Variants in CMTM2 observed in about 807,000 individuals in gnomAD.
The protein encoded by CMTM2 is CKLF like MARVEL transmembrane domain containing 2, also known as CKLF-like MARVEL transmembrane domain-containing protein 2.
CMTM2 carries 15 observed loss-of-function variants against 16.8 expected under a neutral mutation model. The ratio of observed to expected loss-of-function variants is 0.89; its 90% CI spans 0.60 to 1.37. CMTM2 has a LOEUF of 1.37. Among genes scored for constraint, CMTM2 ranks in the 40% most tolerant of loss-of-function variants. The pLI, the probability that CMTM2 is intolerant of heterozygous loss-of-function variation, is 0.00. For synonymous variants in CMTM2, 117 were observed against 118.7 expected (o/e 0.99, Z 0.09); for missense variants, 282 against 318.0 (o/e 0.89, Z 0.86).
At chr16:66,587,770 C>A (rs928529579) in intron 3 of CMTM2, 149 bp from the exon 4 acceptor site, 2 of 756,942 alleles carry the variant, frequency 2.6e-6, no homozygotes, top group African/African-American at 1.7e-5. Context: ...AGGGAGTAGG[C>A]ACGCTCCTAG....
At position 66,580,050 on chromosome 16, in the gene CMTM2, C is replaced by T. The variant is rs752752134; in HGVS notation, c.310C>T (p.Leu104=). The T allele has an allele frequency of 1.2e-6, 2 of 1,614,192 alleles. No homozygotes were observed. Among genetic ancestry groups the T allele is most frequent in the African/African-American group, 1.3e-5 (1 of 75,056 alleles). ...GGGCTGCCTAATAGCTGCAATGATA[C>T]TGTTGTCCTCACTCACCGTGCACCC... is the stretch of plus-strand genomic sequence containing the variant. ...SLGCLIAAMI[L]LSSLTVHPIL... The change falls in exon 2 of 4, where the codon CTG becomes TTG. Residue 104 remains leucine, a synonymous_variant. Transcript: ENST00000268595.
intron 2 of CMTM2, among the ~76,000 whole-genome samples, chr16:66,585,087 C>T (rs186737432): frequency 2.7e-4 from 41 of 152,042 alleles, no homozygotes; most frequent in African/African-American, 3.4e-4. Context: ...GCTGGGATTA[C>T]AGGCATGCAC....
At chr16:66,585,972 T>C (rs944761918) in intron 2 of CMTM2, among the ~76,000 whole-genome samples, 1 of 151,932 alleles carries the variant, frequency 6.6e-6, no homozygotes, top group Non-Finnish European at 1.5e-5. Context: ...CCAGGAGAAA[T>C]GCGGGAGGAA....
rs945655460 is a variant in CMTM2 at position 66,587,957 on chromosome 16, T to C, written c.585T>C (p.Asp195=). 6.2e-7 allele frequency: 1 copy of C among 1,614,086 alleles called. No individual in the cohort carries two copies. Among genetic ancestry groups the C allele is most frequent in the South Asian group, 1.1e-5 (1 of 91,092 alleles). ...CGGCTGGAGTTTTTGCTTTTATCGATGTGTGTCTTCAAAGAAACCACTTCA... is the reference window on the plus strand; with the variant it reads ...CGGCTGGAGTTTTTGCTTTTATCGACGTGTGTCTTCAAAGAAACCACTTCA... ...IGAAGVFAFI[D]VCLQRNHFRG... Residue 195 remains aspartate (D), a synonymous_variant, in exon 4 of 4, where the codon GAT becomes GAC. Transcript: ENST00000268595.
chr16:66,587,933 G>A lies in CMTM2; in HGVS notation c.561G>A (p.Ala187=), dbSNP rs537914889. The A allele has an allele frequency of 3.2e-5, 52 of 1,614,114 alleles. No homozygotes were observed. The highest frequency in any genetic ancestry group is 1.0e-4 in the Admixed American group (6 of 60,026). Residue 187 remains alanine, a synonymous_variant, in exon 4 of 4, where the codon GCG becomes GCA. Transcript: ENST00000268595. ...HYLLAVILIG[A]AGVFAFIDVC... ...TTGTTTTCCAGATCCTTATTGGTGC[G>A]GCTGGAGTTTTTGCTTTTATCGATG...
Position 66,587,103 on chromosome 16 carries a change from G to C in CMTM2, c.546+5G>C, listed in dbSNP as rs1231004498. On this transcript the variant is annotated splice_donor_5th_base_variant and intron_variant, in intron 3 of 3. Coordinates refer to ENST00000268595, the MANE Select transcript of CMTM2 (RefSeq NM_144673.3). ...CTCCACTACTTACTTGCTGTGGTGA[G>C]TCTTTCCATGCTGGGCCTTGCATTT... 6.2e-7 allele frequency: 1 copy of C among 1,606,618 alleles called. No homozygotes were observed. The highest frequency in any genetic ancestry group is 1.7e-5 in the Admixed American group (1 of 60,014).
chr16:66,579,493 G>A lies in CMTM2; in HGVS notation c.-115G>A. On this transcript the variant is annotated 5_prime_UTR_variant, in exon 1 of 4. Coordinates refer to ENST00000268595, the MANE Select transcript of CMTM2 (RefSeq NM_144673.3). This position sits in a 1 kb window ranked among gnomAD's most constrained non-coding sequence, Gnocchi z 6.5. ...GTGGTCCTGGCAGTTAGCTGAGCAC[G>A]CCCTCTGAGCCGCTCGGTGGACACC... 2.3e-6 allele frequency: 3 copies of A among 1,315,520 alleles called. No homozygotes were observed. The highest frequency in any genetic ancestry group is 3.1e-6 in the Non-Finnish European group (3 of 959,202). The allele number at this position is 1,315,520 out of a possible 1,614,324, so 81.5% of individuals were successfully genotyped here.
Position 66,579,597 on chromosome 16 carries a change from C to A in CMTM2, c.-11C>A, listed in dbSNP as rs1457726575. 2 of 1,613,518 alleles carry A rather than the reference C, an allele frequency of 1.2e-6. No homozygotes were observed. The highest frequency in any genetic ancestry group is 2.7e-5 in the African/African-American group (2 of 74,902). Reference sequence around the variant, plus strand: ...GGCCAGCTGTGAGAAGCCAAGGACACCGAGTCAGTCATGGCACCTAAGGCG... The same window carrying A: ...GGCCAGCTGTGAGAAGCCAAGGACAACGAGTCAGTCATGGCACCTAAGGCG... On this transcript the variant is annotated 5_prime_UTR_variant, in exon 1 of 4. Transcript: ENST00000268595. This position sits in a 1 kb window ranked among gnomAD's most constrained non-coding sequence, Gnocchi z 6.5.
At chr16:66,580,464 G>A (rs1456606008) in intron 2 of CMTM2, 2 of 408,888 alleles carry the variant, frequency 4.9e-6, no homozygotes, top group Non-Finnish European at 8.8e-6. Flanking sequence ...TTCTCTTTAG[G>A]GGAAGGGGAG....
At chr16:66,586,838 T>C (rs2014798241) in intron 2 of CMTM2, 159 bp from the exon 3 acceptor site, 3 of 609,198 alleles carry the variant, frequency 4.9e-6, no homozygotes, top group Non-Finnish European at 6.0e-6. Flanking sequence ...GGGCCACAGA[T>C]ATGTCCACCT....
intron 2 of CMTM2, among the ~76,000 whole-genome samples, chr16:66,584,944 ATTT>A (rs559994145): frequency 5.2e-5 from 7 of 133,462 alleles, no homozygotes; most frequent in Admixed American, 7.5e-5. Flanking sequence ...TACAAAAACA[ATTT>A]TTTTTTTTTT....
chr16:66,580,749 C>G (rs1688325579), intron 2 of CMTM2: 1 of 153,224 alleles, frequency 6.5e-6, no homozygotes, highest in Non-Finnish European at 1.5e-5. Flanking sequence ...GTTACTAAAC[C>G]ATTCCCAGCC....
In CMTM2 at chr16:66,588,152, G is replaced by C; in HGVS notation, c.*33G>C. The C allele has an allele frequency of 6.3e-7, 1 of 1,596,560 alleles. No individual in the cohort carries two copies. The highest frequency in any genetic ancestry group is 8.6e-7 in the Non-Finnish European group (1 of 1,166,768). ...GAGGCTCCTGGTGTCTGAAACGGCA[G>C]TGTATTTTACAGCAATATGTTTCCA... On this transcript the variant is annotated 3_prime_UTR_variant, in exon 4 of 4. Coordinates refer to ENST00000268595, the MANE Select transcript of CMTM2 (RefSeq NM_144673.3).
At chr16:66,584,682 T>TA (rs1457008526) in intron 2 of CMTM2, among the ~76,000 whole-genome samples, 1 of 151,974 alleles carries the variant, frequency 6.6e-6, no homozygotes, top group Non-Finnish European at 1.5e-5. Flanking sequence ...ATGACGGAGG[T>TA]AGCATTATAG....
rs1190575542 is a variant in CMTM2 at position 66,579,885 on chromosome 16, G to A, written c.278G>A (p.Arg93Gln). The A allele has an allele frequency of 1.9e-6, 3 of 1,613,558 alleles. No homozygotes were observed. Among genetic ancestry groups the A allele is most frequent in the Admixed American group, 1.7e-5 (1 of 60,006 alleles). ...TTGGGGCACGCTGAGATCAAGATTC[G>A]GAGTTTGGTGAGCTAAACTGGTATC... ...WLLGHAEIKI[R>Q]SLGCLIAAMI... Residue 93 changes from arginine (R) to glutamine (Q), a missense_variant, in exon 1 of 4, where the codon CGG becomes CAG. Arg to Gln is a conservative substitution (Grantham distance 43). Transcript: ENST00000268595. This position sits in a 1 kb window ranked among gnomAD's most constrained non-coding sequence, Gnocchi z 6.5.
Position 66,587,781 on chromosome 16 carries a change from C to T in CMTM2, c.547-138C>T, listed in dbSNP as rs1266512878. ...GCTGAGGGAGTAGGCACGCTCCTAGCCTCTCAGAGATGGTTGACATTTGAG... is the reference window on the plus strand; with the variant it reads ...GCTGAGGGAGTAGGCACGCTCCTAGTCTCTCAGAGATGGTTGACATTTGAG... On this transcript the variant is annotated intron_variant, in intron 3 of 3. Transcript: ENST00000268595. 3 of 828,836 alleles carry T rather than the reference C, an allele frequency of 3.6e-6. No homozygotes were observed. In the East Asian group the frequency reaches 7.3e-5, roughly 20 times the overall value. 51.3% of individuals were successfully genotyped at this position (828,836 alleles called of 1,614,324 possible).
chr16:66,582,021 A>G (rs1333289041), intron 2 of CMTM2, among the ~76,000 whole-genome samples: 1 of 152,224 alleles, frequency 6.6e-6, no homozygotes, highest in African/African-American at 2.4e-5. Context: ...CTAATAATTC[A>G]AAACTACTAA....
chr16:66,580,323 G>C (rs868048292), intron 2 of CMTM2, 139 bp downstream of exon 2: 2 of 908,570 alleles, frequency 2.2e-6, no homozygotes, highest in Middle Eastern at 2.8e-4. Flanking sequence ...ACATCAGTGG[G>C]GCCCAGGCAG....
chr16:66,581,579 C>T (rs984214298), intron 2 of CMTM2, among the ~76,000 whole-genome samples: 3 of 152,276 alleles, frequency 2.0e-5, no homozygotes, highest in East Asian at 3.9e-4. Flanking sequence ...GAAATAAGGC[C>T]TTGATCCTAA....
Sources: gnomAD v4.1 joint callset for allele counts (sites outside exome capture counted in the v4.1 genomes callset) on GRCh38, gnomAD v4.1.1 for gene constraint, Gnocchi (gnomAD v3.1) non-coding constraint, MANE v1.5 for transcripts, NCBI Gene and HGNC (gene_info 2026-07-23, HGNC 2026-07-21) for gene names.